The following FMN1 variants were observed in gnomAD, a reference collection of about 807,000 sequenced individuals.
FMN1 encodes the protein formin 1, also known as formin-1.
A neutral mutation model predicts 132.4 loss-of-function variants in FMN1; 110 were observed. That is an observed-to-expected ratio of 0.83 (90% CI 0.71 to 0.97). The LOEUF (loss-of-function observed/expected upper bound fraction) is 0.97. FMN1 is among the 50% of genes least tolerant of loss of function. The probability of loss-of-function intolerance (pLI) is 0.00; values close to 1 mark genes in which losing one functional copy is unlikely to be tolerated. For synonymous variants in FMN1, 722 were observed against 651.7 expected (o/e 1.11, Z -1.64); for missense variants, 1,792 against 1,705.3 (o/e 1.05, Z -0.90).
At chr15:32,858,663 G>A (rs952174514) in intron 16 of FMN1, among the ~76,000 whole-genome samples, 4 of 152,166 alleles carry the variant, frequency 2.6e-5, no homozygotes, top group African/African-American at 7.2e-5. Flanking sequence ...GGGAGGCAAA[G>A]ACTAATTTTT....
intron 18 of FMN1, among the ~76,000 whole-genome samples, chr15:32,799,427 T>C (rs935207610): frequency 2.8e-4 from 42 of 152,220 alleles, no homozygotes; most frequent in Admixed American, 1.3e-4. Context: ...TTCGGGCATA[T>C]ACTGGCTTTG....
At chr15:32,939,970 A>T (rs1468446461) in intron 9 of FMN1, among the ~76,000 whole-genome samples, 1 of 152,224 alleles carries the variant, frequency 6.6e-6, no homozygotes, top group Admixed American at 6.5e-5. Flanking sequence ...TAATTAACTC[A>T]AAAACCTAAT....
intron 19 of FMN1, among the ~76,000 whole-genome samples, chr15:32,787,280 G>A (rs1480346801): frequency 3.3e-5 from 5 of 152,158 alleles, no homozygotes; most frequent in Non-Finnish European, 7.4e-5. Context: ...AAAACTAAGA[G>A]AAAAGAGCCA....
intron 16 of FMN1, among the ~76,000 whole-genome samples, chr15:32,874,702 C>T (rs2059597795): frequency 6.6e-6 from 1 of 152,122 alleles, no homozygotes. Flanking sequence ...TAAAACTTAC[C>T]CTTAAAATGT....
chr15:32,985,350 G>A (rs1382434181), intron 7 of FMN1, among the ~76,000 whole-genome samples: 3 of 152,042 alleles, frequency 2.0e-5, no homozygotes, highest in African/African-American at 4.8e-5. Context: ...CTGTGCTAAC[G>A]TCTCTTCCTC....
At chr15:32,806,422 T>G (rs183934261) in intron 17 of FMN1, among the ~76,000 whole-genome samples, 22 of 152,262 alleles carry the variant, frequency 1.4e-4, no homozygotes, top group African/African-American at 4.6e-4. Context: ...ACATGCAGAG[T>G]GCTTAGCACA....
At chr15:32,957,979 T>C (rs1247388201) in intron 9 of FMN1, among the ~76,000 whole-genome samples, 1 of 152,178 alleles carries the variant, frequency 6.6e-6, no homozygotes, top group Admixed American at 6.5e-5. Flanking sequence ...GAATGGCACC[T>C]ATCTAAGTAT....
At chr15:32,800,724 A>T (rs1374625021) in intron 18 of FMN1, among the ~76,000 whole-genome samples, 1 of 152,238 alleles carries the variant, frequency 6.6e-6, no homozygotes, top group East Asian at 1.9e-4. Context: ...TGGGCCTGGA[A>T]TTCAGGTCCC....
At chr15:33,091,210 TTCA>T (rs1434688765) in intron 4 of FMN1, among the ~76,000 whole-genome samples, 1 of 152,168 alleles carries the variant, frequency 6.6e-6, no homozygotes, top group Non-Finnish European at 1.5e-5. Context: ...TGAGTGTAAG[TTCA>T]TCATTTAGGT....
At chr15:32,784,866 T>C (rs1204482758) in intron 19 of FMN1, among the ~76,000 whole-genome samples, 2 of 152,174 alleles carry the variant, frequency 1.3e-5, no homozygotes, top group Non-Finnish European at 2.9e-5. Flanking sequence ...TTGCTTGAGT[T>C]CCCTGATTTC....
At chr15:33,112,674 G>GT (rs2039755820) in intron 4 of FMN1, among the ~76,000 whole-genome samples, 2 of 152,140 alleles carry the variant, frequency 1.3e-5, no homozygotes, top group Admixed American at 1.3e-4. Flanking sequence ...TACATCTGGT[G>GT]TATTTTTTCA....
At chr15:32,847,217 CCT>C (rs141001339) in intron 17 of FMN1, among the ~76,000 whole-genome samples, 1,814 of 152,214 alleles carry the variant, frequency 0.012, 42 homozygotes, top group African/African-American at 0.041. Flanking sequence ...GGTATAGTCC[CCT>C]GTTCTACCAA....
At chr15:32,812,849 G>A (rs991041632) in intron 17 of FMN1, among the ~76,000 whole-genome samples, 2 of 152,282 alleles carry the variant, frequency 1.3e-5, no homozygotes, top group Non-Finnish European at 1.5e-5. Context: ...TATTTCAGGT[G>A]TCATGTATTC....
At chr15:33,104,878 G>A (rs922703271) in intron 4 of FMN1, among the ~76,000 whole-genome samples, 1 of 152,086 alleles carries the variant, frequency 6.6e-6, no homozygotes, top group Non-Finnish European at 1.5e-5. Flanking sequence ...GCTAATTTCA[G>A]TCTTAATATT....
intron 7 of FMN1, among the ~76,000 whole-genome samples, chr15:33,004,834 T>C (rs1258019278): frequency 2.6e-5 from 4 of 152,154 alleles, no homozygotes; most frequent in East Asian, 1.9e-4. Flanking sequence ...GTGGCACATA[T>C]ACACCATGGA....
At chr15:33,139,438 T>C (rs12907458) in intron 4 of FMN1, among the ~76,000 whole-genome samples, 66,801 of 151,934 alleles carry the variant, frequency 0.44, 15,915 homozygotes, top group South Asian at 0.55. Context: ...CTACTAAAAA[T>C]ACAAAAAATT....
At chr15:32,858,224 T>C (rs934274880) in intron 16 of FMN1, among the ~76,000 whole-genome samples, 1 of 152,176 alleles carries the variant, frequency 6.6e-6, no homozygotes, top group Non-Finnish European at 1.5e-5. Flanking sequence ...TATTTAAAAC[T>C]AGCATCTCAG....
intron 9 of FMN1, among the ~76,000 whole-genome samples, chr15:32,933,272 A>T (rs1220451980): frequency 6.6e-6 from 1 of 152,114 alleles, no homozygotes; most frequent in Non-Finnish European, 1.5e-5. Flanking sequence ...ATTTCCCTGT[A>T]TGTATAATGT....
At chr15:32,891,266 G>A (rs550349921) in intron 15 of FMN1, among the ~76,000 whole-genome samples, 4 of 152,208 alleles carry the variant, frequency 2.6e-5, no homozygotes, top group African/African-American at 9.6e-5. Flanking sequence ...TCTTTTTCTT[G>A]AGACGGAGTC....
Sources: allele counts gnomAD v4.1 joint callset (sites outside exome capture counted in the v4.1 genomes callset), GRCh38; gene constraint gnomAD v4.1.1; transcripts MANE v1.5; gene names NCBI Gene and HGNC (gene_info 2026-07-23, HGNC 2026-07-21).